BMAL1: variants seen among roughly 807,000 people sequenced by gnomAD.
The protein encoded by BMAL1 is basic helix-loop-helix ARNT-like protein 1.
chr11:13,317,260 A>T, the BMAL1 span, among the ~76,000 whole-genome samples: 1 of 152,232 alleles, frequency 6.6e-6, no homozygotes, highest in Non-Finnish European at 1.5e-5. Context: ...ATTGCACATT[A>T]TGTCCAGATA....
chr11:13,331,569 C>G, the BMAL1 span, among the ~76,000 whole-genome samples: 1 of 152,314 alleles, frequency 6.6e-6, no homozygotes, highest in East Asian at 1.9e-4. Context: ...CTGGAGTACC[C>G]TGCCCTTTTC....
At chr11:13,369,588 G>A in the BMAL1 span, 2 of 1,613,116 alleles carry the variant, frequency 1.2e-6, no homozygotes, top group Admixed American at 1.7e-5. Flanking sequence ...ACTGCTCTCA[G>A]TTTATCACAT....
At chr11:13,306,192 G>A in the BMAL1 span, among the ~76,000 whole-genome samples, 2 of 152,112 alleles carry the variant, frequency 1.3e-5, no homozygotes, top group African/African-American at 4.8e-5. Context: ...TTAGATGCAA[G>A]GGCTCCGTTC....
At chr11:13,369,842 G>A in the BMAL1 span, 25 of 1,547,318 alleles carry the variant, frequency 1.6e-5, no homozygotes, top group Middle Eastern at 1.7e-4. Flanking sequence ...TCAGCTGGGC[G>A]TTGGTTCCAT....
the BMAL1 span, among the ~76,000 whole-genome samples, chr11:13,310,884 A>G: frequency 6.6e-6 from 1 of 152,252 alleles, no homozygotes; most frequent in East Asian, 1.9e-4. Context: ...ATAGCTGGAC[A>G]AGAGGCATGG....
chr11:13,354,578 C>A, the BMAL1 span: 2 of 1,316,928 alleles, frequency 1.5e-6, no homozygotes, highest in South Asian at 1.5e-5. Flanking sequence ...CTCTAGGTGG[C>A]GACACAGTTG....
the BMAL1 span, among the ~76,000 whole-genome samples, chr11:13,309,463 C>A: frequency 6.6e-6 from 1 of 152,146 alleles, no homozygotes; most frequent in African/African-American, 2.4e-5. Context: ...TTCATTAGTC[C>A]TTCCTGTTAA....
chr11:13,369,938 AG>A, the BMAL1 span, among the ~76,000 whole-genome samples: 2 of 152,238 alleles, frequency 1.3e-5, no homozygotes, highest in Middle Eastern at 3.4e-3. Context: ...TTGGGAGCAG[AG>A]GAGAGAGCTG....
chr11:13,382,132 T>C, the BMAL1 span, among the ~76,000 whole-genome samples: 6 of 152,090 alleles, frequency 3.9e-5, no homozygotes, highest in Non-Finnish European at 8.8e-5. Flanking sequence ...GGCGTGGGGA[T>C]AGTTGCTAAG....
At chr11:13,278,756 C>G in the BMAL1 span, among the ~76,000 whole-genome samples, 1 of 152,242 alleles carries the variant, frequency 6.6e-6, no homozygotes, top group Admixed American at 6.5e-5. Flanking sequence ...AGTCCCAGAG[C>G]TCCGCGGAGG....
At chr11:13,327,792 G>A in the BMAL1 span, among the ~76,000 whole-genome samples, 1 of 151,558 alleles carries the variant, frequency 6.6e-6, no homozygotes, top group Admixed American at 6.6e-5. Flanking sequence ...TGGGGTCACA[G>A]ATCACTTTGT....
the BMAL1 span, chr11:13,386,814 T>G: frequency 6.3e-7 from 1 of 1,580,796 alleles, no homozygotes; most frequent in East Asian, 2.3e-5. Flanking sequence ...TGGTGGAGTT[T>G]TACAGTCTGT....
the BMAL1 span, among the ~76,000 whole-genome samples, chr11:13,374,414 T>A: frequency 6.6e-6 from 1 of 152,300 alleles, no homozygotes; most frequent in East Asian, 1.9e-4. Context: ...GCATGGCAGT[T>A]TCTGAAAGAC....
At chr11:13,368,263 G>A in the BMAL1 span, among the ~76,000 whole-genome samples, 1 of 152,218 alleles carries the variant, frequency 6.6e-6, no homozygotes, top group Middle Eastern at 3.2e-3. Flanking sequence ...TAATTCTCAT[G>A]TGGGCGCAAG....
chr11:13,356,383 G>C, the BMAL1 span: 1 of 512,304 alleles, frequency 2.0e-6, no homozygotes. Context: ...GATGGGGGGG[G>C]AGAATGAGAG....
the BMAL1 span, among the ~76,000 whole-genome samples, chr11:13,289,254 C>A: frequency 0.03 from 4,583 of 152,248 alleles, 151 homozygotes; most frequent in African/African-American, 0.083. Flanking sequence ...CTGGCCCTTA[C>A]AGGAATAGCC....
the BMAL1 span, among the ~76,000 whole-genome samples, chr11:13,361,191 GCT>G: frequency 6.6e-6 from 1 of 152,122 alleles, no homozygotes; most frequent in South Asian, 2.1e-4. Flanking sequence ...TGACTTGAGT[GCT>G]CTCTCTGTCT....
the BMAL1 span, chr11:13,386,528 A>G: frequency 7.1e-7 from 1 of 1,412,260 alleles, no homozygotes; most frequent in Non-Finnish European, 9.5e-7. Context: ...TGTGCTTAGG[A>G]ATTGCTTACT....
At chr11:13,313,949 C>G in the BMAL1 span, among the ~76,000 whole-genome samples, 6 of 150,832 alleles carry the variant, frequency 4.0e-5, no homozygotes, top group South Asian at 1.3e-3. Context: ...TAACCTCAGC[C>G]TAGCTACCAA....
Sources: gnomAD v4.1 joint callset for allele counts (sites outside exome capture counted in the v4.1 genomes callset) on GRCh38, gnomAD v4.1.1 for gene constraint, MANE v1.5 for transcripts, NCBI Gene and HGNC (gene_info 2026-07-23, HGNC 2026-07-21) for gene names.